The following TAS2R1 variants were observed in gnomAD, a reference collection of about 807,000 sequenced individuals.
TAS2R1 encodes taste 2 receptor member 1.
For synonymous variants in TAS2R1, 141 were observed against 134.2 expected (o/e 1.05, Z -0.35); for missense variants, 370 against 353.4 (o/e 1.05, Z -0.38).
chr5:9,773,665 T>G, the TAS2R1 span, among the ~76,000 whole-genome samples: 1 of 152,218 alleles, frequency 6.6e-6, no homozygotes, highest in African/African-American at 2.4e-5. Context: ...TTCTCTTTCA[T>G]GCTTGAAGAA....
At chr5:9,632,475 A>C (rs929051869), upstream of TAS2R1, among the ~76,000 whole-genome samples, 2 of 152,176 alleles carry the variant, frequency 1.3e-5, no homozygotes, top group African/African-American at 4.8e-5. Context: ...TCTTCCTTTC[A>C]CAAAAGACCT....
the TAS2R1 span, among the ~76,000 whole-genome samples, chr5:9,745,651 A>T: frequency 6.6e-6 from 1 of 152,184 alleles, no homozygotes; most frequent in African/African-American, 2.4e-5. Context: ...AAACCTGACA[A>T]AAACAAGCAA....
At chr5:9,873,450 T>C in the TAS2R1 span, among the ~76,000 whole-genome samples, 1 of 151,382 alleles carries the variant, frequency 6.6e-6, no homozygotes, top group African/African-American at 2.4e-5. Flanking sequence ...GCACAGAATA[T>C]TTCAAATATT....
chr5:9,773,070 G>T, the TAS2R1 span, among the ~76,000 whole-genome samples: 1 of 151,850 alleles, frequency 6.6e-6, no homozygotes, highest in East Asian at 1.9e-4. Flanking sequence ...TTGTCTTGTG[G>T]TCTTCTTTTC....
chr5:9,649,448 G>C (rs1740261134), intron 2 of TAS2R1, among the ~76,000 whole-genome samples: 1 of 152,180 alleles, frequency 6.6e-6, no homozygotes. Flanking sequence ...CCTCATTGTA[G>C]TTGCACAGGG....
intron 1 of TAS2R1, among the ~76,000 whole-genome samples, chr5:9,702,719 T>C (rs562458521): frequency 1.5e-3 from 231 of 152,212 alleles, no homozygotes; most frequent in Middle Eastern, 0.014. Flanking sequence ...CAAAATGATC[T>C]TGTCAAACCA....
chr5:9,834,088 C>G, the TAS2R1 span, among the ~76,000 whole-genome samples: 112 of 152,314 alleles, frequency 7.4e-4, no homozygotes, highest in African/African-American at 2.5e-3. Flanking sequence ...CCACATCCCC[C>G]TTCCAGGCCC....
the TAS2R1 span, among the ~76,000 whole-genome samples, chr5:9,840,233 C>T: frequency 7.2e-5 from 11 of 152,276 alleles, no homozygotes; most frequent in South Asian, 4.2e-4. Flanking sequence ...CAATTTACCA[C>T]GAAAACAGGG....
At chr5:9,749,076 C>T in the TAS2R1 span, among the ~76,000 whole-genome samples, 1 of 152,206 alleles carries the variant, frequency 6.6e-6, no homozygotes, top group Non-Finnish European at 1.5e-5. Context: ...CCCTTCTATC[C>T]ATTTTCCAGA....
At chr5:9,866,447 A>G in the TAS2R1 span, among the ~76,000 whole-genome samples, 1 of 152,312 alleles carries the variant, frequency 6.6e-6, no homozygotes, top group Non-Finnish European at 1.5e-5. Flanking sequence ...ACATTGTCAA[A>G]TGTTGTATAA....
At chr5:9,635,818 C>A (rs556043492) in intron 2 of TAS2R1, among the ~76,000 whole-genome samples, 1 of 151,918 alleles carries the variant, frequency 6.6e-6, no homozygotes, top group Non-Finnish European at 1.5e-5. Context: ...ACTATTGGAT[C>A]TTCTCTCATT....
the TAS2R1 span, among the ~76,000 whole-genome samples, chr5:9,777,986 T>C: frequency 1.3e-5 from 2 of 151,426 alleles, no homozygotes; most frequent in Non-Finnish European, 2.9e-5. Flanking sequence ...GTTCACGCCA[T>C]TCTCCTGCCT....
the TAS2R1 span, among the ~76,000 whole-genome samples, chr5:9,722,723 C>T: frequency 6.6e-6 from 1 of 152,216 alleles, no homozygotes; most frequent in Admixed American, 6.5e-5. Context: ...TCTCAGCTTA[C>T]TACAGAAAAA....
At chr5:9,637,140 A>C (rs774292709) in intron 2 of TAS2R1, among the ~76,000 whole-genome samples, 2 of 152,150 alleles carry the variant, frequency 1.3e-5, no homozygotes, top group Non-Finnish European at 2.9e-5. Flanking sequence ...AAATTCTCTT[A>C]GCATTTATTT....
the TAS2R1 span, among the ~76,000 whole-genome samples, chr5:9,782,589 T>TCTGA: frequency 6.6e-5 from 10 of 152,202 alleles, no homozygotes; most frequent in African/African-American, 2.4e-4. Context: ...GTTTTAGAAC[T>TCTGA]CTGACTCCAG....
At chr5:9,657,236 A>G (rs935185071) in intron 2 of TAS2R1, among the ~76,000 whole-genome samples, 1 of 152,012 alleles carries the variant, frequency 6.6e-6, no homozygotes, top group East Asian at 1.9e-4. Context: ...TTTAATTTCA[A>G]TTTAATTAAT....
intron 1 of TAS2R1, among the ~76,000 whole-genome samples, chr5:9,695,126 G>C (rs1295280575): frequency 6.6e-6 from 1 of 152,152 alleles, no homozygotes; most frequent in Non-Finnish European, 1.5e-5. Context: ...TCACAGAGCA[G>C]ATTAAAACAA....
Position 9,629,801 on chromosome 5 carries a change from A to G in TAS2R1, c.232T>C (p.Cys78Arg). The G allele has an allele frequency of 6.2e-7, 1 of 1,614,054 alleles. No individual in the cohort carries two copies. Among genetic ancestry groups the G allele is most frequent in the Non-Finnish European group, 8.5e-7 (1 of 1,179,962 alleles). ...IVIFFIEFIM[C>R]SANCAILLFI... ...AAGAGAATTGCACAATTCGCAGAAC[A>G]CATGATGAATTCTATGAAGAAGATA... Residue 78 changes from cysteine to arginine, a missense_variant, in exon 1 of 1, where the codon TGT becomes CGT. Transcript: ENST00000382492.
chr5:9,653,061 T>C (rs1409866802), intron 2 of TAS2R1, among the ~76,000 whole-genome samples: 1 of 152,154 alleles, frequency 6.6e-6, no homozygotes, highest in Non-Finnish European at 1.5e-5. Context: ...CCACCCCAAC[T>C]GCTAGCATCC....
Sources: allele counts gnomAD v4.1 joint callset (sites outside exome capture counted in the v4.1 genomes callset), GRCh38; gene constraint gnomAD v4.1.1; transcripts MANE v1.5; gene names NCBI Gene and HGNC (gene_info 2026-07-23, HGNC 2026-07-21).